Variants in SARAF observed in about 807,000 individuals in gnomAD.
SARAF encodes store-operated calcium entry associated regulatory factor, also known as store-operated calcium entry-associated regulatory factor.
A neutral mutation model predicts 39.7 loss-of-function variants in SARAF; 23 were observed. The observed-to-expected ratio is 0.58, with a 90% CI of 0.42 to 0.82. SARAF has a LOEUF of 0.82. Among genes scored for constraint, SARAF ranks in the 40% least tolerant of loss-of-function variants. The pLI is 0.00. For missense variants in SARAF, 384 were observed against 418.5 expected (o/e 0.92, Z 0.72); for synonymous variants, 175 against 168.5 (o/e 1.04, Z -0.30).
intron 1 of SARAF, among the ~76,000 whole-genome samples, chr8:30,074,659 A>C (rs1801918105): frequency 6.6e-6 from 1 of 152,214 alleles, no homozygotes; most frequent in South Asian, 2.1e-4. Flanking sequence ...ATATAATAAC[A>C]ACATGAAAAC....
chr8:30,079,305 G>T (rs1360798981), intron 1 of SARAF, among the ~76,000 whole-genome samples: 1 of 152,086 alleles, frequency 6.6e-6, no homozygotes, highest in East Asian at 1.9e-4. Flanking sequence ...TTAATTTAGT[G>T]GATAAAAGAT....
rs140872892 is a variant in SARAF, at chr8:30,077,062, A to C, written c.104-3007T>G. 1.3e-4 allele frequency among the ~76,000 whole-genome samples: 20 copies of C among 152,350 alleles called. No individual in the cohort carries two copies. In the East Asian group the frequency reaches 2.9e-3, roughly 22 times the overall value. ...ACACTGTAATATCCTCAGAGAGATA[A>C]GAGAAAAAGACTGCGTTAATAAAAC... is the stretch of plus-strand genomic sequence containing the variant. On this transcript the variant is annotated intron_variant, in intron 1 of 5. Coordinates refer to ENST00000256255, the MANE Select transcript of SARAF (RefSeq NM_016127.6).
chr8:30,078,180 GAAAAAA>G, intron 1 of SARAF: 1 of 285,412 alleles, frequency 3.5e-6, no homozygotes, highest in Non-Finnish European at 6.6e-6. Flanking sequence ...ACAGTAGGAG[GAAAAAA>G]AAAAAAAAGA....
At chr8:30,064,561 A>ATATATATATATATTTTTTATTTTT (rs1423689069) in intron 5 of SARAF, among the ~76,000 whole-genome samples, 2 of 46,228 alleles carry the variant, frequency 4.3e-5, no homozygotes, top group Non-Finnish European at 6.9e-5. Flanking sequence ...ATATATATAT[A>ATATATATATATATTTTTTATTTTT]TTTTTTTTTT....
At position 30,082,994 on chromosome 8, in the gene SARAF, C is replaced by G. The variant is rs1802144922; in HGVS notation, c.-45G>C. Reference sequence around the variant, plus strand: ...GCCGGGCTGCCAGACGCCTACGGGCCGAACCTGGGTGCGGTAGCGCGCGCG... The same window carrying G: ...GCCGGGCTGCCAGACGCCTACGGGCGGAACCTGGGTGCGGTAGCGCGCGCG... On this transcript the variant is annotated 5_prime_UTR_variant, in exon 1 of 6. Coordinates refer to ENST00000256255, the MANE Select transcript of SARAF (RefSeq NM_016127.6). 6.9e-7 allele frequency: 1 copy of G among 1,451,652 alleles called. No homozygotes were observed. Among genetic ancestry groups the G allele is most frequent in the Non-Finnish European group, 9.3e-7 (1 of 1,074,106 alleles). 89.9% of individuals were successfully genotyped at this position (1,451,652 alleles called of 1,614,324 possible). A position where few individuals can be genotyped will look rare whatever the true frequency, so the allele number is the denominator to read the frequency against.
Position 30,064,547 on chromosome 8 carries a change from ATATATATATATATATTTT to A in SARAF, c.995-652_995-635del, listed in dbSNP as rs1366355348. Among the ~76,000 whole-genome samples the A allele has an allele frequency of 1.1e-3, 41 of 37,014 alleles. 5 individuals carry two copies. The highest frequency in any genetic ancestry group is 0.014 in the Middle Eastern group (1 of 72). 24.3% of individuals were successfully genotyped at this position (37,014 alleles called of 152,430 possible). On this transcript the variant is annotated intron_variant, in intron 5 of 5. Transcript: ENST00000256255. ...GTCTTACCTAGCCATATATATATAT[ATATATATATATATATTTT>A]TTTTTTTTTTTTTTGAGACAGAGTT...
chr8:30,073,661 G>C (rs978893220), intron 2 of SARAF: 22 of 447,722 alleles, frequency 4.9e-5, no homozygotes, highest in Middle Eastern at 1.2e-3. Flanking sequence ...AGGAGGTCAC[G>C]ATACAAAAAC....
intron 1 of SARAF, 76 bp from the exon 2 acceptor site, chr8:30,074,131 C>T (rs1325284860): frequency 6.7e-7 from 1 of 1,500,836 alleles, no homozygotes; most frequent in Non-Finnish European, 9.1e-7. Context: ...TAACGAAACT[C>T]TCGTCATAGG....
At chr8:30,068,394 C>A (rs948678208) in intron 3 of SARAF, among the ~76,000 whole-genome samples, 17 of 152,184 alleles carry the variant, frequency 1.1e-4, no homozygotes, top group African/African-American at 3.6e-4. Context: ...TGTCCCATCA[C>A]CCCCAGATGG....
At chr8:30,077,973 C>G (rs1460892291) in intron 1 of SARAF, among the ~76,000 whole-genome samples, 1 of 151,392 alleles carries the variant, frequency 6.6e-6, no homozygotes, top group East Asian at 1.9e-4. Flanking sequence ...AACCCCGTCT[C>G]TACTAAAAAT....
At chr8:30,082,646 G>A (rs1585449914) in intron 1 of SARAF, 4 of 470,522 alleles carry the variant, frequency 8.5e-6, no homozygotes, top group Admixed American at 8.6e-5. Flanking sequence ...CCGCCCACTC[G>A]AGCAGTCCCT....
At chr8:30,080,985 C>T (rs1179433836) in intron 1 of SARAF, among the ~76,000 whole-genome samples, 1 of 152,098 alleles carries the variant, frequency 6.6e-6, no homozygotes, top group Admixed American at 6.5e-5. Context: ...ACTAAAAATA[C>T]AAAATTTGCC....
chr8:30,077,666 G>A (rs1308230171), intron 1 of SARAF, among the ~76,000 whole-genome samples: 1 of 151,866 alleles, frequency 6.6e-6, no homozygotes, highest in Non-Finnish European at 1.5e-5. Context: ...GCTGGGGATG[G>A]TGGCGCGTGC....
intron 1 of SARAF, among the ~76,000 whole-genome samples, chr8:30,078,441 T>G (rs1330838648): frequency 8.5e-5 from 13 of 152,064 alleles, no homozygotes; most frequent in Admixed American, 8.5e-4. Context: ...AAAAAGATTC[T>G]ACAAATTGCC....
chr8:30,077,951 C>G (rs1585445107), intron 1 of SARAF, among the ~76,000 whole-genome samples: 1 of 151,692 alleles, frequency 6.6e-6, no homozygotes, highest in Non-Finnish European at 1.5e-5. Flanking sequence ...ACCAGTCTGG[C>G]AAATATGGTG....
chr8:30,076,779 T>C (rs1801976467), intron 1 of SARAF, among the ~76,000 whole-genome samples: 1 of 152,212 alleles, frequency 6.6e-6, no homozygotes, highest in Admixed American at 6.5e-5. Flanking sequence ...CTCTCCCTTC[T>C]GCCTTCCACC....
chr8:30,067,234 G>T (rs530668600), intron 3 of SARAF, among the ~76,000 whole-genome samples: 1 of 152,264 alleles, frequency 6.6e-6, no homozygotes, highest in South Asian at 2.1e-4. Flanking sequence ...TCTCTCTGCA[G>T]TACAAACTCT....
rs748772922 is a variant in SARAF, at chr8:30,066,757, G to A, written c.842+20C>T. ...GCCTCTTGAATTAAAGAGCAAGTGAGATCAATGCAAAAAGCTTACCTATTG... is the reference window on the plus strand; with the variant it reads ...GCCTCTTGAATTAAAGAGCAAGTGAAATCAATGCAAAAAGCTTACCTATTG... On this transcript the variant is annotated intron_variant, in intron 4 of 5. Transcript: ENST00000256255. The A allele has an allele frequency of 1.9e-6, 3 of 1,548,082 alleles. No individual in the cohort carries two copies. In the South Asian group the frequency reaches 3.4e-5, roughly 18 times the overall value.
At chr8:30,077,074 T>C (rs1183134930) in intron 1 of SARAF, among the ~76,000 whole-genome samples, 2 of 152,178 alleles carry the variant, frequency 1.3e-5, no homozygotes, top group African/African-American at 4.8e-5. Context: ...AGAAAAAGAC[T>C]GCGTTAATAA....
Sources: allele counts gnomAD v4.1 joint callset (sites outside exome capture counted in the v4.1 genomes callset), GRCh38; gene constraint gnomAD v4.1.1; transcripts MANE v1.5; gene names NCBI Gene and HGNC (gene_info 2026-07-23, HGNC 2026-07-21).